Variants in POLR1A observed in about 807,000 individuals in gnomAD.
POLR1A encodes DNA-directed RNA polymerase I subunit RPA1.
In POLR1A, 84 loss-of-function variants were observed where a neutral mutation model predicts 205.3. The observed-to-expected ratio is 0.41, with a 90% CI of 0.34 to 0.49. The LOEUF (loss-of-function observed/expected upper bound fraction) is 0.49. Among genes scored for constraint, POLR1A ranks in the 20% least tolerant of loss-of-function variants. The pLI is 0.22. For missense variants in POLR1A, 1,645 were observed against 2,204.5 expected (o/e 0.75, Z 5.08); for synonymous variants, 799 against 863.7 (o/e 0.93, Z 1.31).
At chr2:86,031,717 C>T in intron 29 of POLR1A, 82 bp from the exon 30 acceptor site, 2 of 1,543,494 alleles carry the variant, frequency 1.3e-6, no homozygotes, top group Admixed American at 1.9e-5. Flanking sequence ...AAGACCCCTG[C>T]AAAGCCTTGG....
At chr2:86,052,768 C>T (rs375734477) in intron 16 of POLR1A, 49 bp downstream of exon 16, 39 of 1,413,016 alleles carry the variant, frequency 2.8e-5, no homozygotes, top group Non-Finnish European at 3.3e-5. Context: ...GATGGCCAGG[C>T]GGCTGCGCTG....
chr2:86,089,762 A>T (rs1673568042), intron 4 of POLR1A, 60 bp downstream of exon 4: 2 of 1,045,562 alleles, frequency 1.9e-6, no homozygotes, highest in Admixed American at 1.7e-5. Flanking sequence ...AGGACAACAC[A>T]GAGGGAAAGT....
At chr2:86,091,332 G>T (rs1475069335) in intron 3 of POLR1A, among the ~76,000 whole-genome samples, 2 of 152,104 alleles carry the variant, frequency 1.3e-5, no homozygotes, top group South Asian at 4.2e-4. Context: ...TGTTGCCCAG[G>T]CTGCTCTTTA....
rs148435428 is a variant in POLR1A, at chr2:86,065,646, C to T, written c.1867-181G>A. 1.9e-3 allele frequency: 1,153 copies of T among 607,966 alleles called. 10 individuals carry two copies. Among genetic ancestry groups the T allele is most frequent in the African/African-American group, 0.019 (999 of 53,990 alleles). The allele number at this position is 607,966 out of a possible 1,614,324, so 37.7% of individuals were successfully genotyped here. A position where few individuals can be genotyped will look rare whatever the true frequency, so the allele number is the denominator to read the frequency against. On this transcript the variant is annotated intron_variant, in intron 13 of 33. Coordinates refer to ENST00000263857, the MANE Select transcript of POLR1A (RefSeq NM_015425.6). ...GCCAACTGCTTCCCAAAGCACATGACCAGGGTTTAGCACTGGCTTCTACGT... is the reference window on the plus strand; with the variant it reads ...GCCAACTGCTTCCCAAAGCACATGATCAGGGTTTAGCACTGGCTTCTACGT...
At chr2:86,069,994 G>T in intron 13 of POLR1A, 24 bp downstream of exon 13, 3 of 1,604,708 alleles carry the variant, frequency 1.9e-6, no homozygotes, top group Non-Finnish European at 1.7e-6. Context: ...GATGACCACG[G>T]AACAGCCTCA....
intron 3 of POLR1A, among the ~76,000 whole-genome samples, chr2:86,091,942 C>T (rs181389905): frequency 4.9e-4 from 75 of 151,760 alleles, no homozygotes; most frequent in African/African-American, 1.7e-3. Flanking sequence ...GGTGACACCC[C>T]ATCTCTACTA....
Position 86,089,885 on chromosome 2 carries a change from C to T in POLR1A, c.477G>A (p.Glu159=). The part of the protein sequence containing the change: ...NPDPSASEIR[E]ELEQYTTEIV... Reference sequence around the variant, plus strand: ...TTTCAGTTGTGTATTGTTCTAATTCCTCCCGAATTTCAGAGGCAGAGGGAT... The same window carrying T: ...TTTCAGTTGTGTATTGTTCTAATTCTTCCCGAATTTCAGAGGCAGAGGGAT... The change falls in exon 4 of 34, where the codon GAG becomes GAA. Residue 159 remains glutamate, a synonymous_variant. Coordinates refer to ENST00000263857, the MANE Select transcript of POLR1A (RefSeq NM_015425.6). The T allele has an allele frequency of 3.7e-6, 6 of 1,612,742 alleles. No homozygotes were observed. The highest frequency in any genetic ancestry group is 2.2e-5 in the East Asian group (1 of 44,880).
At position 86,042,082 on chromosome 2, in the gene POLR1A, A is replaced by C; in HGVS notation, c.3379T>G (p.Leu1127Val). 2 of 1,612,396 alleles carry C rather than the reference A, an allele frequency of 1.2e-6. No individual in the cohort carries two copies. Among genetic ancestry groups the C allele is most frequent in the South Asian group, 2.2e-5 (2 of 90,996 alleles). The change falls in exon 24 of 34, where the codon TTG becomes GTG. Residue 1127 changes from leucine (L) to valine (V), a missense_variant. By Grantham distance (32) the Leu-to-Val change is conservative (BLOSUM62 1). This residue lies in a region of POLR1A where 201 missense variants were observed against 222.3 expected (regional missense o/e 0.90). Coordinates refer to ENST00000263857, the MANE Select transcript of POLR1A (RefSeq NM_015425.6). ...TATTTCCTTCGGCTTTCCTCATCCA[A>C]CTCATACCACATCCTCAGCATCTGA... ...TQEMLRMWYE[L>V]DEESRRKYQK...
At position 86,025,186 on chromosome 2, in the gene POLR1A, T is replaced by C. The variant is rs1690239505; in HGVS notation, c.*2237A>G. The C allele has an allele frequency of 2.0e-5, 3 of 152,198 alleles. No individual in the cohort carries two copies. The highest frequency in any genetic ancestry group is 4.4e-5 in the Non-Finnish European group (3 of 68,034). The allele number at this position is 152,198 out of a possible 1,614,324, so 9.4% of individuals were successfully genotyped here. ...TGAAAAGTTTGTGAACCCCACCAGATGATCAATCTCCATTACATTTTGATT... is the reference window on the plus strand; with the variant it reads ...TGAAAAGTTTGTGAACCCCACCAGACGATCAATCTCCATTACATTTTGATT... On this transcript the variant is annotated 3_prime_UTR_variant, in exon 34 of 34. Transcript: ENST00000263857.
intron 13 of POLR1A, 26 bp from the exon 14 acceptor site, chr2:86,065,491 G>A: frequency 6.3e-7 from 1 of 1,593,506 alleles, no homozygotes; most frequent in Non-Finnish European, 8.6e-7. Flanking sequence ...GACAACACAA[G>A]AAGAATGAAA....
In POLR1A at chr2:86,055,562, G is replaced by A. The variant is rs377699536; in HGVS notation, c.2059-1273C>T. Among the ~76,000 whole-genome samples the A allele has an allele frequency of 8.5e-5, 13 of 152,300 alleles. 1 individual carries two copies. Among genetic ancestry groups the A allele is most frequent in the African/African-American group, 3.1e-4 (13 of 41,582 alleles). ...CGTCCTGGGGTGCCTACTTCAAGCT[G>A]CACCTCAACCAAGGTGCCACATGCA... On this transcript the variant is annotated intron_variant, in intron 14 of 33. Coordinates refer to ENST00000263857, the MANE Select transcript of POLR1A (RefSeq NM_015425.6).
In POLR1A at chr2:86,089,898, G is replaced by A. The variant is rs1187434609; in HGVS notation, c.464C>T (p.Ser155Phe). ...FLEENPDPSA[S>F]EIREELEQYT... is the part of the protein sequence containing the mutation. Reference sequence around the variant, plus strand: ...TTGTTCTAATTCCTCCCGAATTTCAGAGGCAGAGGGATCGGGATTTTCTTC... The same window carrying A: ...TTGTTCTAATTCCTCCCGAATTTCAAAGGCAGAGGGATCGGGATTTTCTTC... The change falls in exon 4 of 34, where the codon TCT becomes TTT. Residue 155 changes from serine (S) to phenylalanine (F), a missense_variant. Coordinates refer to ENST00000263857, the MANE Select transcript of POLR1A (RefSeq NM_015425.6). 1 of 1,609,990 alleles carries A rather than the reference G, an allele frequency of 6.2e-7. No individual in the cohort carries two copies. Among genetic ancestry groups the A allele is most frequent in the Admixed American group, 1.7e-5 (1 of 60,018 alleles).
In POLR1A at chr2:86,045,632, G is replaced by C. The variant is rs568869317; in HGVS notation, c.2871C>G (p.Thr957=). ...AAATACATACAGGAGGTTTGATGCC[G>C]GTGAGGAACCTGCCAGTGACAAAGC... The part of the protein sequence containing the change: ...AGGFVTGRFL[T]GIKPPEFFFH... The change falls in exon 20 of 34, where the codon ACC becomes ACG. Residue 957 remains threonine, a synonymous_variant. Coordinates refer to ENST00000263857, the MANE Select transcript of POLR1A (RefSeq NM_015425.6). 1 of 1,614,134 alleles carries C rather than the reference G, an allele frequency of 6.2e-7. No individual in the cohort carries two copies. The highest frequency in any genetic ancestry group is 8.5e-7 in the Non-Finnish European group (1 of 1,180,016).
chr2:86,077,089 C>T (rs1673299698), intron 11 of POLR1A, among the ~76,000 whole-genome samples: 1 of 152,198 alleles, frequency 6.6e-6, no homozygotes, highest in Non-Finnish European at 1.5e-5. Context: ...CACTTCAGCG[C>T]TGCTCATCAC....
intron 3 of POLR1A, among the ~76,000 whole-genome samples, chr2:86,092,661 C>T (rs1673629161): frequency 2.0e-5 from 3 of 152,176 alleles, no homozygotes; most frequent in Non-Finnish European, 2.9e-5. Flanking sequence ...CCTGTCTCTA[C>T]TAAAAATACA....
Position 86,052,903 on chromosome 2 carries a change from T to C in POLR1A, c.2306A>G (p.Tyr769Cys), listed in dbSNP as rs764879351. ...YGLVHCCYEIYGGETSGKVLT... is the reference protein window; with the variant it reads ...YGLVHCCYEICGGETSGKVLT... ...AACCTTGCCGCTGGTCTCGCCTCCA[T>C]AGATCTCATAGCAGCAGTGGACCAG... Residue 769 changes from tyrosine to cysteine, a missense_variant, in exon 16 of 34, where the codon TAT (tyrosine) becomes TGT (cysteine). Tyr to Cys is a radical substitution (Grantham distance 194). Coordinates refer to ENST00000263857, the MANE Select transcript of POLR1A (RefSeq NM_015425.6). 20 of 1,609,052 alleles carry C rather than the reference T, an allele frequency of 1.2e-5. No homozygotes were observed. The Admixed American group carries it at 2.5e-4, about 20-fold the overall frequency.
chr2:86,081,516 G>A (rs1473224780), intron 8 of POLR1A, 85 bp downstream of exon 8: 3 of 789,662 alleles, frequency 3.8e-6, no homozygotes, highest in African/African-American at 1.7e-5. Context: ...CAGTGCCCTT[G>A]GCCCTTTCAC....
intron 3 of POLR1A, among the ~76,000 whole-genome samples, chr2:86,092,815 A>ACT (rs1250163980): frequency 2.0e-5 from 3 of 151,938 alleles, no homozygotes; most frequent in East Asian, 1.9e-4. Context: ...ACAGAGTGAG[A>ACT]CTCTCTCTCA....
At position 86,033,751 on chromosome 2, in the gene POLR1A, CTT is replaced by C; in HGVS notation, c.4069_4070del (p.Lys1357GlufsTer2). ...FKLLMESIKK[K>X]NNKASAFRNV... Reference sequence around the variant, plus strand: ...TCCTGAAAGCTGATGCTTTATTATTCTTCTTTTTGATGGATTCCATCAGAAGT... The same window carrying C: ...TCCTGAAAGCTGATGCTTTATTATTCCTTTTTGATGGATTCCATCAGAAGT... On this transcript the variant is annotated frameshift_variant, in exon 28 of 34. Transcript: ENST00000263857. LOFTEE classifies it high-confidence loss of function. The C allele has an allele frequency of 6.2e-7, 1 of 1,614,024 alleles. No individual in the cohort carries two copies. Among genetic ancestry groups the C allele is most frequent in the Non-Finnish European group, 8.5e-7 (1 of 1,179,978 alleles).
Sources: allele counts gnomAD v4.1 joint callset (sites outside exome capture counted in the v4.1 genomes callset), GRCh38; gene constraint gnomAD v4.1.1; regional missense constraint gnomAD v4.1.1; transcripts MANE v1.5; gene names NCBI Gene and HGNC (gene_info 2026-07-23, HGNC 2026-07-21).